Variants in ARHGAP24 observed in about 807,000 individuals in gnomAD.
The protein encoded by ARHGAP24 is Rho GTPase activating protein 24, also known as rho GTPase-activating protein 24.
Under a neutral mutation model 76.4 loss-of-function variants are expected in ARHGAP24, and 50 were observed. The ratio of observed to expected loss-of-function variants is 0.65; its 90% confidence interval spans 0.52 to 0.83. The LOEUF (loss-of-function observed/expected upper bound fraction) is 0.83, where lower values mean the gene tolerates loss of function less well. ARHGAP24 is among the 40% of genes least tolerant of loss of function. The pLI, the probability that ARHGAP24 is intolerant of heterozygous loss-of-function variation, is 0.00. For missense variants in ARHGAP24, 930 were observed against 914.2 expected, an observed-to-expected ratio of 1.02 and a Z score of -0.22; for synonymous variants, 345 against 323.3, an observed-to-expected ratio of 1.07 and a Z score of -0.72.
intron 3 of ARHGAP24, among the ~76,000 whole-genome samples, chr4:85,785,488 ATTTTG>A (rs1195635162): frequency 1.3e-5 from 2 of 151,844 alleles, no homozygotes; most frequent in Non-Finnish European, 2.9e-5. Context: ...TGTTGTTGTT[ATTTTG>A]TTTTGTTTTG....
chr4:85,926,684 C>T (rs543665106), intron 4 of ARHGAP24, among the ~76,000 whole-genome samples: 10 of 152,220 alleles, frequency 6.6e-5, no homozygotes, highest in African/African-American at 1.9e-4. Flanking sequence ...CTGTGTATTA[C>T]GTTTCCACTT....
chr4:85,745,576 G>A (rs954199721), intron 3 of ARHGAP24, among the ~76,000 whole-genome samples: 2 of 133,304 alleles, frequency 1.5e-5, no homozygotes, highest in Non-Finnish European at 1.6e-5. Flanking sequence ...GAGTGACAGA[G>A]TGACACCTTA....
chr4:85,527,451 A>G (rs1432804892), intron 1 of ARHGAP24, among the ~76,000 whole-genome samples: 1 of 152,136 alleles, frequency 6.6e-6, no homozygotes, highest in Non-Finnish European at 1.5e-5. Flanking sequence ...GTTTTGAGCC[A>G]CATGATTTTT....
At chr4:85,972,724 C>T (rs918068210) in intron 6 of ARHGAP24, among the ~76,000 whole-genome samples, 1 of 151,828 alleles carries the variant, frequency 6.6e-6, no homozygotes, top group African/African-American at 2.4e-5. Context: ...CAAAATAAAC[C>T]CCATACCCTC....
At position 85,826,433 on chromosome 4, in the gene ARHGAP24, A is replaced by G. The variant is rs139063875; in HGVS notation, c.269-97215A>G. The stretch of plus-strand genomic sequence containing the variant: ...CTAGACGGGGCTCATGCTGCTCACA[A>G]TTAACTGACTCTGGCCATGTGGTGG... On this transcript the variant is annotated intron_variant, in intron 3 of 9. Transcript: ENST00000395184. Among the ~76,000 whole-genome samples the G allele has an allele frequency of 3.9e-5, 6 of 152,290 alleles. No homozygotes were observed. In the East Asian group the frequency reaches 9.6e-4, roughly 24 times the overall value.
At chr4:85,667,701 T>G in intron 2 of ARHGAP24, among the ~76,000 whole-genome samples, 1 of 152,354 alleles carries the variant, frequency 6.6e-6, no homozygotes, top group African/African-American at 2.4e-5. Context: ...GTTATTTTAC[T>G]GATCAGTAAG....
chr4:85,868,295 T>C (rs1472153749), intron 3 of ARHGAP24, among the ~76,000 whole-genome samples: 1 of 152,120 alleles, frequency 6.6e-6, no homozygotes, highest in Non-Finnish European at 1.5e-5. Flanking sequence ...GTTCATATTA[T>C]GTAGATGAAG....
intron 3 of ARHGAP24, among the ~76,000 whole-genome samples, chr4:85,807,193 G>C (rs900785248): frequency 6.6e-6 from 1 of 152,046 alleles, no homozygotes; most frequent in Non-Finnish European, 1.5e-5. Flanking sequence ...ACATGCCATG[G>C]TGGTTTGCTG....
chr4:85,763,504 G>A (rs963543270), intron 3 of ARHGAP24, among the ~76,000 whole-genome samples: 2 of 152,120 alleles, frequency 1.3e-5, no homozygotes, highest in African/African-American at 2.4e-5. Context: ...AGATGAGGAC[G>A]AGGCCTGGAT....
chr4:85,663,473 A>G (rs955434113), intron 2 of ARHGAP24, among the ~76,000 whole-genome samples: 9 of 150,336 alleles, frequency 6.0e-5, no homozygotes, highest in African/African-American at 2.2e-4. Flanking sequence ...AACAGGGACA[A>G]TTTGACTTCC....
At chr4:85,884,368 C>T (rs1030746674) in intron 3 of ARHGAP24, among the ~76,000 whole-genome samples, 1 of 152,180 alleles carries the variant, frequency 6.6e-6, no homozygotes, top group Non-Finnish European at 1.5e-5. Flanking sequence ...TAAACCACTT[C>T]AAAGCCTGTC....
chr4:85,624,801 GGAGGATGTATGTGTT>G (rs1328351437), intron 2 of ARHGAP24, among the ~76,000 whole-genome samples: 1 of 152,124 alleles, frequency 6.6e-6, no homozygotes, highest in Non-Finnish European at 1.5e-5. Context: ...TTTAGTCTTT[GGAGGATGTATGTGTT>G]GAGGAATTTA....
chr4:85,583,552 A>G (rs1214553103), intron 2 of ARHGAP24, among the ~76,000 whole-genome samples: 1 of 152,120 alleles, frequency 6.6e-6, no homozygotes, highest in Non-Finnish European at 1.5e-5. Flanking sequence ...CATGTCTAAA[A>G]CACCTAAAGC....
intron 3 of ARHGAP24, among the ~76,000 whole-genome samples, chr4:85,853,597 C>T (rs148472834): frequency 2.9e-4 from 44 of 152,220 alleles, no homozygotes; most frequent in Non-Finnish European, 4.6e-4. Flanking sequence ...TCTTCCTATT[C>T]GGCCATCTTG....
chr4:85,945,185 C>G (rs1049560020), intron 5 of ARHGAP24, among the ~76,000 whole-genome samples: 1 of 152,056 alleles, frequency 6.6e-6, no homozygotes, highest in African/African-American at 2.4e-5. Context: ...TCTGTTGCCA[C>G]ACACTGGAGT....
chr4:85,734,636 A>ATTTTT (rs34647342), intron 3 of ARHGAP24, among the ~76,000 whole-genome samples: 46,300 of 101,620 alleles, frequency 0.46, 13,370 homozygotes, highest in Non-Finnish European at 0.62. Flanking sequence ...AATTCAGGGA[A>ATTTTT]TTTTTTTTTT....
rs1472699177 is a variant in ARHGAP24 at position 85,582,755 on chromosome 4, C to T, written c.180+12034C>T. Among the ~76,000 whole-genome samples the T allele has an allele frequency of 2.6e-5, 4 of 152,060 alleles. No individual in the cohort carries two copies. In the East Asian group the frequency reaches 7.7e-4, roughly 29 times the overall value. On this transcript the variant is annotated intron_variant, in intron 2 of 9. Transcript: ENST00000395184. ...ACCGGGGGAAAAAAACCTGCAAAAACATTTATGGATCTCAGGTAATGGTCT... is the reference window on the plus strand; with the variant it reads ...ACCGGGGGAAAAAAACCTGCAAAAATATTTATGGATCTCAGGTAATGGTCT...
intron 3 of ARHGAP24, among the ~76,000 whole-genome samples, chr4:85,760,823 C>T (rs776600920): frequency 2.4e-4 from 36 of 152,284 alleles, no homozygotes; most frequent in South Asian, 2.1e-4. Flanking sequence ...ACTTGCCCCA[C>T]GTAGTTAACA....
intron 3 of ARHGAP24, among the ~76,000 whole-genome samples, chr4:85,890,921 C>T (rs947683952): frequency 9.9e-5 from 15 of 152,136 alleles, no homozygotes; most frequent in East Asian, 5.8e-4. Context: ...TGGGCACCAA[C>T]AAGTGTTCAT....
Sources: allele counts gnomAD v4.1 joint callset (sites outside exome capture counted in the v4.1 genomes callset), GRCh38; gene constraint gnomAD v4.1.1; transcripts MANE v1.5; gene names NCBI Gene and HGNC (gene_info 2026-07-23, HGNC 2026-07-21).